Variants in ANKH observed in about 807,000 individuals in gnomAD.
The protein encoded by ANKH is mineralization regulator ANKH.
Under a neutral mutation model 49.0 loss-of-function variants are expected in ANKH, and 15 were observed. That is an observed-to-expected ratio of 0.31 (90% CI 0.20 to 0.47). ANKH has a LOEUF of 0.47. Ranked by LOEUF, ANKH falls within the 20% of genes least tolerant of loss-of-function variation. The pLI, the probability that ANKH is intolerant of heterozygous loss-of-function variation, is 1.00. For synonymous variants in ANKH, 273 were observed against 260.0 expected, an observed-to-expected ratio of 1.05 and a Z score of -0.48; for missense variants, 429 against 652.0, an observed-to-expected ratio of 0.66 and a Z score of 3.72.
chr5:14,721,823 G>A (rs1490104045), intron 8 of ANKH, among the ~76,000 whole-genome samples: 7 of 150,572 alleles, frequency 4.6e-5, no homozygotes, highest in Non-Finnish European at 8.9e-5. Flanking sequence ...CCAGCTACTC[G>A]TGAGGCTGAG....
At chr5:14,849,863 G>A (rs1480539519) in intron 1 of ANKH, among the ~76,000 whole-genome samples, 1 of 152,058 alleles carries the variant, frequency 6.6e-6, no homozygotes, top group African/African-American at 2.4e-5. Flanking sequence ...TCTTCCATGT[G>A]GACTTTCAGG....
intron 1 of ANKH, among the ~76,000 whole-genome samples, chr5:14,854,310 CA>C (rs1203961829): frequency 2.6e-5 from 4 of 152,206 alleles, no homozygotes; most frequent in Non-Finnish European, 5.9e-5. Context: ...CAATTTAAAA[CA>C]TTTCACTAAA....
intron 1 of ANKH, among the ~76,000 whole-genome samples, chr5:14,800,142 G>C (rs945675460): frequency 6.6e-6 from 1 of 152,224 alleles, no homozygotes; most frequent in African/African-American, 2.4e-5. Context: ...AAGAGAACTA[G>C]AGTTAGAAGT....
chr5:14,711,550 A>G lies in ANKH; in HGVS notation c.1366-240T>C, dbSNP rs25989. Among the ~76,000 whole-genome samples the G allele has an allele frequency of 0.99, 151,251 of 152,308 alleles. 75,186 individuals are homozygous for G. The highest frequency in any genetic ancestry group is 1 in the Middle Eastern group (294 of 294). On this transcript the variant is annotated intron_variant, in intron 11 of 11. Transcript: ENST00000284268. ...CTAGGCAGGCACTTCGGAGGACACC[A>G]TGTCCCACTGCCCCGCCCCAGACAA...
At chr5:14,757,724 A>G (rs1187877134) in intron 3 of ANKH, among the ~76,000 whole-genome samples, 1 of 152,172 alleles carries the variant, frequency 6.6e-6, no homozygotes, top group African/African-American at 2.4e-5. Flanking sequence ...TATCTGCATC[A>G]AAATTTTCAA....
chr5:14,817,657 A>G (rs766918182), intron 1 of ANKH, among the ~76,000 whole-genome samples: 1 of 152,150 alleles, frequency 6.6e-6, no homozygotes, highest in African/African-American at 2.4e-5. Context: ...TGAAGAAGTA[A>G]AAGGCTGTGA....
chr5:14,778,482 C>T (rs1739703080), intron 1 of ANKH, among the ~76,000 whole-genome samples: 2 of 152,176 alleles, frequency 1.3e-5, no homozygotes, highest in African/African-American at 4.8e-5. Flanking sequence ...GACCTCTACT[C>T]TGCTTCAAGT....
chr5:14,757,641 G>T (rs1738945869), intron 3 of ANKH, among the ~76,000 whole-genome samples: 1 of 151,892 alleles, frequency 6.6e-6, no homozygotes, highest in South Asian at 2.1e-4. Context: ...GGGTGTCTGT[G>T]CCACACAAGT....
chr5:14,816,595 C>T (rs2126580698), intron 1 of ANKH, among the ~76,000 whole-genome samples: 1 of 152,196 alleles, frequency 6.6e-6, no homozygotes, highest in East Asian at 1.9e-4. Flanking sequence ...TTGTTTCTGG[C>T]TCTATTCTCT....
chr5:14,752,573 A>G (rs902844012), intron 4 of ANKH, among the ~76,000 whole-genome samples: 1 of 152,208 alleles, frequency 6.6e-6, no homozygotes, highest in Non-Finnish European at 1.5e-5. Context: ...CACTCATTCC[A>G]AAGACCTCAG....
intron 1 of ANKH, among the ~76,000 whole-genome samples, chr5:14,789,643 A>G (rs539098896): frequency 6.6e-6 from 1 of 152,324 alleles, no homozygotes; most frequent in African/African-American, 2.4e-5. Flanking sequence ...TCAAGATGGC[A>G]AAGTGCAGAT....
At chr5:14,716,211 C>T (rs75838927) in intron 9 of ANKH, among the ~76,000 whole-genome samples, 13,165 of 152,120 alleles carry the variant, frequency 0.087, 564 homozygotes, top group African/African-American at 0.11. Flanking sequence ...CTTTTAAAAA[C>T]AAGTTGTACG....
chr5:14,721,929 C>CAAAAAAAAAAAAAAAAA (rs35821509), intron 8 of ANKH, among the ~76,000 whole-genome samples: 2 of 59,456 alleles, frequency 3.4e-5, no homozygotes, highest in African/African-American at 1.9e-4. Context: ...GACTCCGTCT[C>CAAAAAAAAAAAAAAAAA]AAAAAAAAAA....
At chr5:14,766,102 G>A (rs1231898777) in intron 2 of ANKH, among the ~76,000 whole-genome samples, 1 of 152,054 alleles carries the variant, frequency 6.6e-6, no homozygotes, top group Non-Finnish European at 1.5e-5. Context: ...ATTAGACAGT[G>A]TTGTGCTGGC....
intron 3 of ANKH, among the ~76,000 whole-genome samples, chr5:14,756,389 C>CTGT: frequency 6.6e-6 from 1 of 152,288 alleles, no homozygotes; most frequent in South Asian, 2.1e-4. Context: ...TTAGGGCCTA[C>CTGT]TGTTTTCTTG....
rs976896150 is a variant in ANKH at position 14,705,298 on chromosome 5, T to C, written c.*5899A>G. ...TTAATTTTGTTTAAAAAAAAAAAAA[T>C]CTAGATCACTGCTAATGTTCAGATC... On this transcript the variant is annotated 3_prime_UTR_variant, in exon 12 of 12. Transcript: ENST00000284268. 5.3e-5 allele frequency: 8 copies of C among 151,818 alleles called. No homozygotes were observed. The highest frequency in any genetic ancestry group is 6.6e-5 in the Admixed American group (1 of 15,246). 9.4% of individuals were successfully genotyped at this position (151,818 alleles called of 1,614,324 possible).
intron 1 of ANKH, among the ~76,000 whole-genome samples, chr5:14,861,358 C>T (rs546454565): frequency 6.6e-6 from 1 of 152,316 alleles, no homozygotes; most frequent in Non-Finnish European, 1.5e-5. Context: ...GGAAAATCCT[C>T]ATTAACCTGT....
At chr5:14,744,551 G>T (rs1738465676) in intron 7 of ANKH, among the ~76,000 whole-genome samples, 1 of 142,510 alleles carries the variant, frequency 7.0e-6, no homozygotes, top group Non-Finnish European at 1.5e-5. Flanking sequence ...AGCAGGCTGT[G>T]TGTGGAGGTG....
chr5:14,743,780 C>T (rs1008616296), intron 7 of ANKH, among the ~76,000 whole-genome samples: 1 of 152,148 alleles, frequency 6.6e-6, no homozygotes, highest in Non-Finnish European at 1.5e-5. Flanking sequence ...TGGAGTAACT[C>T]GAAGTTCTGG....
Sources: allele counts gnomAD v4.1 joint callset (sites outside exome capture counted in the v4.1 genomes callset), GRCh38; gene constraint gnomAD v4.1.1; transcripts MANE v1.5; gene names NCBI Gene and HGNC (gene_info 2026-07-23, HGNC 2026-07-21).